RBMS1: variants seen among roughly 807,000 people sequenced by gnomAD.
RBMS1 encodes the protein RNA-binding motif, single-stranded-interacting protein 1.
In RBMS1, 17 loss-of-function variants were observed where a neutral mutation model predicts 62.3. That is an observed-to-expected ratio of 0.27 (90% CI 0.19 to 0.41). The LOEUF (loss-of-function observed/expected upper bound fraction) is 0.41, where lower values mean the gene tolerates loss of function less well. Ranked by LOEUF, RBMS1 falls within the 10% of genes least tolerant of loss-of-function variation. The probability of loss-of-function intolerance (pLI) is 1.00; values close to 1 mark genes in which losing one functional copy is unlikely to be tolerated. For synonymous variants in RBMS1, 172 were observed against 170.0 expected (o/e 1.01, Z -0.09); for missense variants, 334 against 504.5 (o/e 0.66, Z 3.24).
At chr2:160,492,834 G>T (rs190006692) in intron 1 of RBMS1, 3,281 of 155,204 alleles carry the variant, frequency 0.021, 63 homozygotes, top group Non-Finnish European at 0.03. Context: ...GGGCGTCCCT[G>T]GGGGGCGGGA....
At chr2:160,396,236 A>C (rs1262431853) in intron 1 of RBMS1, among the ~76,000 whole-genome samples, 1 of 152,208 alleles carries the variant, frequency 6.6e-6, no homozygotes, top group Non-Finnish European at 1.5e-5. Context: ...TTCAGTTGAA[A>C]AAAATTAACA....
At chr2:160,280,853 A>G (rs1396787060) in intron 10 of RBMS1, among the ~76,000 whole-genome samples, 1 of 152,218 alleles carries the variant, frequency 6.6e-6, no homozygotes, top group Non-Finnish European at 1.5e-5. Context: ...TCACGTCATT[A>G]AGAAATCACA....
chr2:160,334,170 T>C (rs761037278), intron 2 of RBMS1, among the ~76,000 whole-genome samples: 18 of 152,144 alleles, frequency 1.2e-4, no homozygotes, highest in Admixed American at 1.1e-3. Context: ...GACACAACAT[T>C]ATGTAAGGAG....
intron 1 of RBMS1, among the ~76,000 whole-genome samples, chr2:160,380,100 C>A (rs922890304): frequency 1.3e-5 from 2 of 152,068 alleles, no homozygotes; most frequent in South Asian, 2.1e-4. Flanking sequence ...TGACGAGTAC[C>A]CAAAATGAGT....
At chr2:160,429,643 CAT>C (rs1682806360) in intron 1 of RBMS1, among the ~76,000 whole-genome samples, 1 of 152,188 alleles carries the variant, frequency 6.6e-6, no homozygotes, top group South Asian at 2.1e-4. Context: ...GTACAGCACA[CAT>C]ATGTTAAAGG....
intron 1 of RBMS1, among the ~76,000 whole-genome samples, chr2:160,458,771 T>C (rs1684347542): frequency 6.7e-6 from 1 of 149,174 alleles, no homozygotes; most frequent in African/African-American, 2.5e-5. Flanking sequence ...CACTCCAGCT[T>C]GGGTAACAGG....
intron 1 of RBMS1, among the ~76,000 whole-genome samples, chr2:160,391,417 A>C (rs1694860055): frequency 6.6e-6 from 1 of 152,010 alleles, no homozygotes; most frequent in African/African-American, 2.4e-5. Context: ...GCTAGCCTCC[A>C]AAACTGAGAA....
At chr2:160,415,460 G>A (rs1574030322) in intron 1 of RBMS1, among the ~76,000 whole-genome samples, 1 of 151,928 alleles carries the variant, frequency 6.6e-6, no homozygotes, top group South Asian at 2.1e-4. Flanking sequence ...ACTAGGACCT[G>A]GGAAGAGACA....
At chr2:160,406,710 A>T (rs749271829) in intron 1 of RBMS1, among the ~76,000 whole-genome samples, 6 of 152,220 alleles carry the variant, frequency 3.9e-5, no homozygotes, top group Non-Finnish European at 5.9e-5. Context: ...ACCTTCTTTT[A>T]AAAACAAAGA....
At chr2:160,433,493 C>T (rs1682987577) in intron 1 of RBMS1, among the ~76,000 whole-genome samples, 1 of 152,200 alleles carries the variant, frequency 6.6e-6, no homozygotes, top group Admixed American at 6.5e-5. Context: ...TCACTGAATT[C>T]AAGTTTTCAG....
At chr2:160,395,830 G>A (rs1449553752) in intron 1 of RBMS1, among the ~76,000 whole-genome samples, 2 of 152,094 alleles carry the variant, frequency 1.3e-5, no homozygotes, top group Non-Finnish European at 1.5e-5. Context: ...CTCATCACAA[G>A]GATTTTCGGC....
At chr2:160,478,043 A>G (rs913310517) in intron 1 of RBMS1, among the ~76,000 whole-genome samples, 1 of 152,258 alleles carries the variant, frequency 6.6e-6, no homozygotes, top group African/African-American at 2.4e-5. Flanking sequence ...TAGCGGGCCA[A>G]TTGCTCTACC....
intron 1 of RBMS1, among the ~76,000 whole-genome samples, chr2:160,490,167 A>T (rs959787243): frequency 2.0e-5 from 3 of 152,082 alleles, no homozygotes; most frequent in Non-Finnish European, 2.9e-5. Flanking sequence ...ATAATACAGC[A>T]TAGGTCATTT....
chr2:160,306,518 C>T (rs1179080969), intron 4 of RBMS1, among the ~76,000 whole-genome samples: 1 of 151,938 alleles, frequency 6.6e-6, no homozygotes, highest in African/African-American at 2.4e-5. Context: ...CGGTTAAAAA[C>T]CTAATTTCAT....
At chr2:160,464,938 C>T (rs990535282) in intron 1 of RBMS1, among the ~76,000 whole-genome samples, 3 of 152,132 alleles carry the variant, frequency 2.0e-5, no homozygotes, top group Non-Finnish European at 4.4e-5. Flanking sequence ...AGAATAATTG[C>T]AATGTGCTTA....
intron 1 of RBMS1, among the ~76,000 whole-genome samples, chr2:160,451,170 T>TAAAAA (rs945310789): frequency 3.9e-5 from 5 of 127,664 alleles, no homozygotes; most frequent in Non-Finnish European, 5.5e-5. Context: ...AAAAAAAAAA[T>TAAAAA]AAATAAATAA....
intron 1 of RBMS1, among the ~76,000 whole-genome samples, chr2:160,369,093 T>C (rs111597067): frequency 1.4e-4 from 21 of 152,280 alleles, no homozygotes; most frequent in Admixed American, 5.2e-4. Flanking sequence ...AAAGGGTCAA[T>C]AATAGTCAAT....
chr2:160,335,340 T>C (rs1284194890), intron 2 of RBMS1, among the ~76,000 whole-genome samples: 2 of 152,172 alleles, frequency 1.3e-5, no homozygotes, highest in Non-Finnish European at 2.9e-5. Context: ...GGCAAAGCAA[T>C]GTCTGGCAGC....
chr2:160,401,058 G>C (rs1365320198), intron 1 of RBMS1, among the ~76,000 whole-genome samples: 5 of 152,212 alleles, frequency 3.3e-5, no homozygotes, highest in African/African-American at 1.2e-4. Context: ...GGACAAGAGA[G>C]ACTGGATGGT....
Sources: allele counts gnomAD v4.1 joint callset (sites outside exome capture counted in the v4.1 genomes callset), GRCh38; gene constraint gnomAD v4.1.1; transcripts MANE v1.5; gene names NCBI Gene and HGNC (gene_info 2026-07-23, HGNC 2026-07-21).